Variants in PDE10A observed in about 807,000 individuals in gnomAD.
PDE10A encodes cAMP and cAMP-inhibited cGMP 3',5'-cyclic phosphodiesterase 10A.
Under a neutral mutation model 97.7 loss-of-function variants are expected in PDE10A, and 39 were observed. That is an observed-to-expected ratio of 0.40 (90% CI 0.31 to 0.52). The LOEUF is 0.52. Among genes scored for constraint, PDE10A ranks in the 20% least tolerant of loss-of-function variants. The pLI is 0.56. For synonymous variants in PDE10A, 371 were observed against 376.8 expected (o/e 0.98, Z 0.18); for missense variants, 731 against 1,047.8 (o/e 0.70, Z 4.17).
intron 1 of PDE10A, among the ~76,000 whole-genome samples, chr6:165,906,339 C>A (rs981675069): frequency 2.0e-5 from 3 of 151,868 alleles, no homozygotes; most frequent in African/African-American, 4.8e-5. Flanking sequence ...GAACTCACGT[C>A]CTGAGATCCT....
At chr6:165,680,816 G>A (rs1438909443) in intron 1 of PDE10A, among the ~76,000 whole-genome samples, 5 of 152,180 alleles carry the variant, frequency 3.3e-5, no homozygotes, top group South Asian at 2.1e-4. Flanking sequence ...CCCTGAAGGC[G>A]GAGGTTGCAG....
At chr6:165,803,627 A>C (rs1159381598) in intron 1 of PDE10A, among the ~76,000 whole-genome samples, 1 of 152,206 alleles carries the variant, frequency 6.6e-6, no homozygotes, top group East Asian at 1.9e-4. Context: ...AGTAAGTCTG[A>C]GTGACTGGGT....
At chr6:165,426,073 C>A (rs889151510) in intron 10 of PDE10A, among the ~76,000 whole-genome samples, 1 of 151,970 alleles carries the variant, frequency 6.6e-6, no homozygotes, top group Non-Finnish European at 1.5e-5. Flanking sequence ...ACCTCACGTT[C>A]GTGTATTAGA....
At chr6:165,900,529 A>ATC (rs371687830) in intron 1 of PDE10A, among the ~76,000 whole-genome samples, 128 of 149,998 alleles carry the variant, frequency 8.5e-4, no homozygotes, top group African/African-American at 2.7e-3. Flanking sequence ...GGCACACATC[A>ATC]TCTCTCTCTC....
At chr6:165,848,793 A>G (rs1387105403) in intron 1 of PDE10A, among the ~76,000 whole-genome samples, 1 of 152,162 alleles carries the variant, frequency 6.6e-6, no homozygotes, top group East Asian at 1.9e-4. Flanking sequence ...AGCGACTTCA[A>G]GATAGGGCCG....
intron 18 of PDE10A, among the ~76,000 whole-genome samples, chr6:165,366,104 A>T: frequency 6.6e-6 from 1 of 152,176 alleles, no homozygotes. Context: ...TCCATGGAAC[A>T]TGGATACAGA....
At chr6:165,798,668 T>C (rs897093409) in intron 1 of PDE10A, among the ~76,000 whole-genome samples, 2 of 151,904 alleles carry the variant, frequency 1.3e-5, no homozygotes, top group African/African-American at 4.8e-5. Context: ...GAAAAGATAA[T>C]GTTTTAATGA....
intron 1 of PDE10A, among the ~76,000 whole-genome samples, chr6:165,832,450 T>G (rs562336339): frequency 2.6e-5 from 4 of 152,308 alleles, no homozygotes; most frequent in Non-Finnish European, 4.4e-5. Flanking sequence ...GTGTTTTTCT[T>G]TTACTTAGGA....
chr6:165,650,448 C>A (rs1789623328), intron 1 of PDE10A, among the ~76,000 whole-genome samples: 1 of 151,932 alleles, frequency 6.6e-6, no homozygotes, highest in Non-Finnish European at 1.5e-5. Context: ...TTTACGCAAT[C>A]ACAAATACAA....
chr6:165,782,665 G>A (rs1244232729), intron 1 of PDE10A, among the ~76,000 whole-genome samples: 1 of 152,176 alleles, frequency 6.6e-6, no homozygotes, highest in Non-Finnish European at 1.5e-5. Flanking sequence ...CATGTATAAC[G>A]TAGTATTCAT....
At chr6:165,611,603 A>G (rs1335918879) in intron 1 of PDE10A, among the ~76,000 whole-genome samples, 2 of 152,222 alleles carry the variant, frequency 1.3e-5, no homozygotes, top group Non-Finnish European at 2.9e-5. Context: ...CTCTCTCTCA[A>G]CTTAACCTCT....
intron 1 of PDE10A, among the ~76,000 whole-genome samples, chr6:165,900,479 A>C (rs527274397): frequency 6.6e-6 from 1 of 151,958 alleles, no homozygotes; most frequent in Non-Finnish European, 1.5e-5. Context: ...CTCAAAAAAA[A>C]CTACAAATAA....
intron 1 of PDE10A, among the ~76,000 whole-genome samples, chr6:165,976,194 T>C (rs1784841099): frequency 6.6e-6 from 1 of 152,328 alleles, no homozygotes; most frequent in East Asian, 1.9e-4. Flanking sequence ...AAAGACTCCT[T>C]TTAAGTTACT....
chr6:165,335,125 G>GA (rs1270317918), intron 21 of PDE10A, among the ~76,000 whole-genome samples: 2 of 152,148 alleles, frequency 1.3e-5, no homozygotes. Context: ...AAAGTAAAAT[G>GA]AAAATCTTTA....
intron 1 of PDE10A, among the ~76,000 whole-genome samples, chr6:165,958,475 AG>A (rs1784211095): frequency 7.4e-6 from 1 of 135,320 alleles, no homozygotes; most frequent in African/African-American, 2.6e-5. Flanking sequence ...AAAGAAAGAA[AG>A]AAAGAGAGAA....
At chr6:165,974,452 T>C (rs1308212777) in intron 1 of PDE10A, among the ~76,000 whole-genome samples, 2 of 152,168 alleles carry the variant, frequency 1.3e-5, no homozygotes, top group Non-Finnish European at 2.9e-5. Flanking sequence ...CTTGTGGGGA[T>C]GGCCATGCTT....
intron 1 of PDE10A, among the ~76,000 whole-genome samples, chr6:165,600,476 C>A (rs1017909671): frequency 4.6e-5 from 7 of 152,246 alleles, no homozygotes; most frequent in African/African-American, 1.7e-4. Flanking sequence ...TGTGGCTGTG[C>A]ACGCACATAC....
At chr6:165,526,914 G>C (rs1782481889) in intron 2 of PDE10A, among the ~76,000 whole-genome samples, 1 of 152,218 alleles carries the variant, frequency 6.6e-6, no homozygotes, top group South Asian at 2.1e-4. Flanking sequence ...CTTATTCGGA[G>C]AGACCTTGAT....
intron 21 of PDE10A, among the ~76,000 whole-genome samples, chr6:165,334,416 C>T (rs1439949747): frequency 2.0e-5 from 3 of 147,962 alleles, no homozygotes; most frequent in Admixed American, 6.7e-5. Flanking sequence ...CCTACAGCGC[C>T]GGGCACGCGC....
Sources: gnomAD v4.1 joint callset for allele counts (sites outside exome capture counted in the v4.1 genomes callset) on GRCh38, gnomAD v4.1.1 for gene constraint, MANE v1.5 for transcripts, NCBI Gene and HGNC (gene_info 2026-07-23, HGNC 2026-07-21) for gene names.